Variants in GALNS observed in about 807,000 individuals in gnomAD.
GALNS encodes the protein galactosamine (N-acetyl)-6-sulfatase.
GALNS carries 65 observed loss-of-function variants against 65.9 expected under a neutral mutation model. The ratio of observed to expected loss-of-function variants is 0.99; its 90% CI spans 0.81 to 1.21. The LOEUF (loss-of-function observed/expected upper bound fraction) is 1.21. Ranked by LOEUF, GALNS falls within the 50% of genes most tolerant of loss-of-function variation. The pLI is 0.00. For synonymous variants in GALNS, 346 were observed against 288.9 expected, an observed-to-expected ratio of 1.20 and a Z score of -2.00; for missense variants, 776 against 700.7, an observed-to-expected ratio of 1.11 and a Z score of -1.21.
At chr16:88,818,588 T>C (rs1909881615) in intron 12 of GALNS, among the ~76,000 whole-genome samples, 1 of 152,230 alleles carries the variant, frequency 6.6e-6, no homozygotes, top group African/African-American at 2.4e-5. Flanking sequence ...AAAATTCCAA[T>C]GCAAGCTGCG....
intron 10 of GALNS, among the ~76,000 whole-genome samples, chr16:88,825,711 AG>A (rs1339507337): frequency 2.6e-5 from 4 of 151,974 alleles, no homozygotes; most frequent in Non-Finnish European, 4.4e-5. Flanking sequence ...GAGGATAAGC[AG>A]GCGGCACGGG....
chr16:88,822,196 A>T (rs780989719), intron 12 of GALNS, among the ~76,000 whole-genome samples: 17 of 152,064 alleles, frequency 1.1e-4, no homozygotes, highest in Admixed American at 6.5e-4. Flanking sequence ...AGGCCCAGAG[A>T]GCAGAGGGTG....
chr16:88,843,957 C>G (rs1226946515), intron 1 of GALNS: 1 of 151,936 alleles, frequency 6.6e-6, no homozygotes, highest in Admixed American at 6.6e-5. Flanking sequence ...TCCGCAGAGG[C>G]AGGAGGCGGC....
At chr16:88,817,983 G>T in intron 13 of GALNS, 24 bp downstream of exon 13, 1 of 1,549,170 alleles carries the variant, frequency 6.5e-7, no homozygotes. Flanking sequence ...CAAAGAGACG[G>T]CCGCCCACAC....
intron 9 of GALNS, among the ~76,000 whole-genome samples, chr16:88,827,272 C>T (rs554332009): frequency 1.4e-4 from 21 of 152,292 alleles, no homozygotes; most frequent in Non-Finnish European, 2.8e-4. Flanking sequence ...TGGACAGGAG[C>T]AGCTCCGAGT....
chr16:88,856,597 C>CCCTCCT (rs960651907), intron 1 of GALNS, 161 bp downstream of exon 1: 1 of 553,002 alleles, frequency 1.8e-6, no homozygotes, highest in Non-Finnish European at 3.4e-6. Context: ...CGTCCCCTCC[C>CCCTCCT]CCTCCTCCTC....
At chr16:88,833,509 T>G (rs1483077146) in intron 8 of GALNS, among the ~76,000 whole-genome samples, 1 of 150,160 alleles carries the variant, frequency 6.7e-6, no homozygotes, top group Non-Finnish European at 1.5e-5. Flanking sequence ...TGGAGTGCAG[T>G]GGTGCGATCT....
At chr16:88,822,814 C>A in intron 11 of GALNS, 104 bp from the exon 12 acceptor site, 5 of 1,498,840 alleles carry the variant, frequency 3.3e-6, no homozygotes, top group Middle Eastern at 1.9e-4. Context: ...CCGTGAGGGG[C>A]CTTGTCTGCC....
intron 1 of GALNS, among the ~76,000 whole-genome samples, chr16:88,847,838 C>T (rs1967321898): frequency 2.0e-5 from 3 of 152,260 alleles, no homozygotes; most frequent in African/African-American, 7.2e-5. Context: ...GGCAGCGCCT[C>T]CCTGGTACAC....
chr16:88,829,330 G>A (rs1718913497), intron 9 of GALNS, among the ~76,000 whole-genome samples: 1 of 152,304 alleles, frequency 6.6e-6, no homozygotes, highest in African/African-American at 2.4e-5. Context: ...GCTGCATTCT[G>A]TCCTAGGGGC....
chr16:88,856,907 C>T lies in GALNS; in HGVS notation c.-30G>A. The T allele has an allele frequency of 6.7e-7, 1 of 1,498,452 alleles. No homozygotes were observed. Among genetic ancestry groups the T allele is most frequent in the Non-Finnish European group, 8.8e-7 (1 of 1,132,210 alleles). The allele number at this position is 1,498,452 out of a possible 1,614,324, so 92.8% of individuals were successfully genotyped here. A position where few individuals can be genotyped will look rare whatever the true frequency, so the allele number is the denominator to read the frequency against. ...ACCACGGGAGCCGCGGAGCCCCGGC[C>T]AGCGAGCCGACCTAGCGAGCGTCCG... is the stretch of plus-strand genomic sequence containing the variant. On this transcript the variant is annotated 5_prime_UTR_variant, in exon 1 of 14. Transcript: ENST00000268695.
Position 88,822,651 on chromosome 16 carries a change from G to A in GALNS, c.1302C>T (p.Asp434=). ...VSGVTTHNLE[D]HTKLPLIFHL... Reference sequence around the variant, plus strand: ...GGAAGATCAGGGGCAGCTTCGTGTGGTCTTCCAGATTGTGAGTTGTGACCC... The same window carrying A: ...GGAAGATCAGGGGCAGCTTCGTGTGATCTTCCAGATTGTGAGTTGTGACCC... Residue 434 remains aspartate, a synonymous_variant, in exon 12 of 14, where the codon GAC becomes GAT. Coordinates refer to ENST00000268695, the MANE Select transcript of GALNS (RefSeq NM_000512.5). 1.9e-6 allele frequency: 3 copies of A among 1,613,198 alleles called. No homozygotes were observed. The highest frequency in any genetic ancestry group is 2.5e-6 in the Non-Finnish European group (3 of 1,179,856).
At chr16:88,817,057 C>A in intron 13 of GALNS, 2 of 985,452 alleles carry the variant, frequency 2.0e-6, no homozygotes, top group Non-Finnish European at 2.4e-6. Context: ...CCGCACGTGT[C>A]CCATCTGAAG....
chr16:88,842,149 G>A lies in GALNS; in HGVS notation c.245-178C>T, dbSNP rs927598741. 8.6e-6 allele frequency: 6 copies of A among 697,794 alleles called. No homozygotes were observed. In the African/African-American group the frequency reaches 8.8e-5, roughly 10 times the overall value. The allele number at this position is 697,794 out of a possible 1,614,324, so 43.2% of individuals were successfully genotyped here. ...GTCTCCACCACCTGGGTGGGGCACG[G>A]CACCCATTCCACTGAAAGACGCGTG... On this transcript the variant is annotated intron_variant, in intron 2 of 13. Coordinates refer to ENST00000268695, the MANE Select transcript of GALNS (RefSeq NM_000512.5).
intron 10 of GALNS, among the ~76,000 whole-genome samples, chr16:88,825,883 C>T (rs1910841396): frequency 6.6e-6 from 1 of 152,188 alleles, no homozygotes; most frequent in Non-Finnish European, 1.5e-5. Context: ...GAGGCGGCAG[C>T]TGCCTTGGGC....
Position 88,824,038 on chromosome 16 carries a change from C to T in GALNS, c.1242+729G>A, listed in dbSNP as rs558422977. ...CCCTCCTCAGCCTGGGTGCTCAGCC[C>T]TCAGCCCCAGTTCTCACTTCCAGTC... is the stretch of plus-strand genomic sequence containing the variant. On this transcript the variant is annotated intron_variant, in intron 11 of 13. Coordinates refer to ENST00000268695, the MANE Select transcript of GALNS (RefSeq NM_000512.5). 3.3e-5 allele frequency among the ~76,000 whole-genome samples: 5 copies of T among 152,306 alleles called. No individual in the cohort carries two copies. In the East Asian group the frequency reaches 9.7e-4, roughly 29 times the overall value.
chr16:88,825,172 CGGGGCT>C (rs1376273680), intron 10 of GALNS, among the ~76,000 whole-genome samples: 1 of 112,410 alleles, frequency 8.9e-6, no homozygotes, highest in Non-Finnish European at 1.8e-5. Context: ...TTTGGGCGGC[CGGGGCT>C]GGGGTGACTG....
At chr16:88,850,657 A>C (rs898547253) in intron 1 of GALNS, among the ~76,000 whole-genome samples, 4 of 152,070 alleles carry the variant, frequency 2.6e-5, no homozygotes, top group Admixed American at 6.5e-5. Context: ...CCAGGGGAGA[A>C]GGTGCGGGCG....
intron 13 of GALNS, chr16:88,816,292 G>A (rs930566561): frequency 6.2e-5 from 61 of 985,302 alleles, no homozygotes; most frequent in Non-Finnish European, 6.7e-5. Flanking sequence ...AGCCTGGGTC[G>A]TAGAGAAGGA....
Sources: gnomAD v4.1 joint callset for allele counts (sites outside exome capture counted in the v4.1 genomes callset) on GRCh38, gnomAD v4.1.1 for gene constraint, MANE v1.5 for transcripts, NCBI Gene and HGNC (gene_info 2026-07-23, HGNC 2026-07-21) for gene names.